REEP3: variants seen among roughly 807,000 people sequenced by gnomAD.
REEP3 encodes receptor accessory protein 3, also known as receptor expression-enhancing protein 3.
A neutral mutation model predicts 41.3 loss-of-function variants in REEP3; 20 were observed. The observed-to-expected ratio is 0.48, with a 90% confidence interval of 0.34 to 0.70. The LOEUF is 0.70. REEP3 is among the 30% of genes least tolerant of loss of function. The probability of loss-of-function intolerance (pLI) is 0.01; values close to 1 mark genes in which losing one functional copy is unlikely to be tolerated. For missense variants in REEP3, 271 were observed against 308.8 expected, an observed-to-expected ratio of 0.88 and a Z score of 0.92; for synonymous variants, 104 against 101.8, an observed-to-expected ratio of 1.02 and a Z score of -0.13.
At chr10:63,563,569 A>T (rs1204140696) in intron 1 of REEP3, among the ~76,000 whole-genome samples, 1 of 152,210 alleles carries the variant, frequency 6.6e-6, no homozygotes. Context: ...GCTGCTAAGA[A>T]TAAGCGACTA....
intron 6 of REEP3, among the ~76,000 whole-genome samples, chr10:63,614,856 C>T (rs1956300984): frequency 6.6e-6 from 1 of 152,070 alleles, no homozygotes; most frequent in African/African-American, 2.4e-5. Flanking sequence ...TAATTTATTC[C>T]CTTTAGCTCA....
At chr10:63,602,900 G>C (rs1010260429) in intron 5 of REEP3, among the ~76,000 whole-genome samples, 1 of 152,168 alleles carries the variant, frequency 6.6e-6, no homozygotes, top group African/African-American at 2.4e-5. Context: ...GAACAAGATA[G>C]ATATAGCCCT....
intron 2 of REEP3, among the ~76,000 whole-genome samples, chr10:63,584,212 G>T (rs1446296843): frequency 6.6e-6 from 1 of 152,116 alleles, no homozygotes; most frequent in African/African-American, 2.4e-5. Context: ...AGGATATTCT[G>T]TGAGGTATTT....
At chr10:63,576,482 A>G (rs778453188) in intron 2 of REEP3, among the ~76,000 whole-genome samples, 1 of 152,168 alleles carries the variant, frequency 6.6e-6, no homozygotes, top group Non-Finnish European at 1.5e-5. Flanking sequence ...CCATTGTCAC[A>G]TAGGACTCGC....
intron 5 of REEP3, among the ~76,000 whole-genome samples, chr10:63,604,591 T>C (rs1210140438): frequency 6.6e-6 from 1 of 152,176 alleles, no homozygotes; most frequent in Non-Finnish European, 1.5e-5. Flanking sequence ...AACATCTTAC[T>C]GTCTATGACT....
chr10:63,562,329 C>A (rs921794924), intron 1 of REEP3, among the ~76,000 whole-genome samples: 10 of 151,374 alleles, frequency 6.6e-5, no homozygotes, highest in Non-Finnish European at 1.0e-4. Flanking sequence ...ACGATCTCGG[C>A]TCATTGCAGC....
chr10:63,579,043 G>GC (rs962938382), intron 2 of REEP3, among the ~76,000 whole-genome samples: 27 of 144,416 alleles, frequency 1.9e-4, no homozygotes, highest in South Asian at 6.7e-4. Context: ...TTTTTTTTTG[G>GC]GGGGGGGGAG....
At chr10:63,533,853 G>C (rs1269872397) in intron 1 of REEP3, among the ~76,000 whole-genome samples, 1 of 151,456 alleles carries the variant, frequency 6.6e-6, no homozygotes, top group Non-Finnish European at 1.5e-5. Flanking sequence ...GGTTACAGGC[G>C]CCCACCACCA....
At chr10:63,580,122 C>T (rs1286561720) in intron 2 of REEP3, among the ~76,000 whole-genome samples, 2 of 151,438 alleles carry the variant, frequency 1.3e-5, no homozygotes, top group Non-Finnish European at 2.9e-5. Context: ...AGCTGGTTTT[C>T]GTTGTTGTTG....
intron 6 of REEP3, among the ~76,000 whole-genome samples, 194 bp downstream of exon 6, chr10:63,610,528 T>C (rs1224543670): frequency 3.9e-5 from 6 of 152,054 alleles, no homozygotes; most frequent in African/African-American, 1.2e-4. Flanking sequence ...TGTATACCTG[T>C]GTAACAAACC....
chr10:63,610,251 G>T lies in REEP3; in HGVS notation c.482G>T (p.Gly161Val). ...ATGCATGATTTAACAACTATCCAAG[G>T]TGATGAGCCTGTGGGACAAAGACCA... ...FSMHDLTTIQGDEPVGQRPYQ... is the reference protein window; with the variant it reads ...FSMHDLTTIQVDEPVGQRPYQ... The change falls in exon 6 of 8, where the codon GGT becomes GTT. Residue 161 changes from glycine (G) to valine (V), a missense_variant. Transcript: ENST00000373758. The T allele has an allele frequency of 6.2e-7, 1 of 1,601,004 alleles. No individual in the cohort carries two copies. Among genetic ancestry groups the T allele is most frequent in the Non-Finnish European group, 8.5e-7 (1 of 1,172,872 alleles).
At position 63,521,460 on chromosome 10, in the gene REEP3, C is replaced by A; in HGVS notation, c.-86C>A. The A allele has an allele frequency of 1.1e-6, 1 of 883,530 alleles. No individual in the cohort carries two copies. The highest frequency in any genetic ancestry group is 1.5e-6 in the Non-Finnish European group (1 of 674,604). 54.7% of individuals were successfully genotyped at this position (883,530 alleles called of 1,614,324 possible). A position where few individuals can be genotyped will look rare whatever the true frequency, so the allele number is the denominator to read the frequency against. On this transcript the variant is annotated 5_prime_UTR_variant, in exon 1 of 8. Coordinates refer to ENST00000373758, the MANE Select transcript of REEP3 (RefSeq NM_001001330.3). The stretch of plus-strand genomic sequence containing the variant: ...GGCCCCGGGGAGCGCGAGGAGCCGG[C>A]GAAGCGCGCGGCCTGCCGTTGGCGG...
intron 2 of REEP3, among the ~76,000 whole-genome samples, chr10:63,591,126 T>C (rs1286823763): frequency 2.2e-5 from 2 of 91,906 alleles, no homozygotes; most frequent in African/African-American, 7.6e-5. Context: ...TTTTTGTTTT[T>C]GTTTTTTTTT....
intron 1 of REEP3, among the ~76,000 whole-genome samples, chr10:63,559,689 T>A (rs1207595630): frequency 6.6e-6 from 1 of 152,198 alleles, no homozygotes; most frequent in Non-Finnish European, 1.5e-5. Context: ...ATCTGTAAAA[T>A]TGGTTTTAAA....
intron 1 of REEP3, among the ~76,000 whole-genome samples, chr10:63,550,723 C>A (rs2133360518): frequency 6.6e-6 from 1 of 152,236 alleles, no homozygotes; most frequent in East Asian, 1.9e-4. Flanking sequence ...CAATAAGCCA[C>A]AAACCTAGAG....
chr10:63,598,783 CAAAA>C (rs557044785), intron 4 of REEP3, among the ~76,000 whole-genome samples: 2 of 117,332 alleles, frequency 1.7e-5, no homozygotes, highest in Admixed American at 8.9e-5. Context: ...GACTCCATCT[CAAAA>C]AAAAAAAAAA....
chr10:63,534,413 G>C (rs991471332), intron 1 of REEP3, among the ~76,000 whole-genome samples: 1 of 151,932 alleles, frequency 6.6e-6, no homozygotes, highest in Admixed American at 6.6e-5. Context: ...ACCACATCCA[G>C]CTAATTTTTT....
chr10:63,533,376 T>C (rs542450440), intron 1 of REEP3, among the ~76,000 whole-genome samples: 3 of 152,354 alleles, frequency 2.0e-5, no homozygotes, highest in African/African-American at 7.2e-5. Context: ...ACCGTTATTG[T>C]CATGATCAGT....
chr10:63,609,740 A>G (rs1055567220), intron 5 of REEP3, among the ~76,000 whole-genome samples: 65 of 152,274 alleles, frequency 4.3e-4, no homozygotes, highest in African/African-American at 1.4e-3. Flanking sequence ...AGCCTGGGCA[A>G]CGGAGTGAGA....
Sources: gnomAD v4.1 joint callset for allele counts (sites outside exome capture counted in the v4.1 genomes callset) on GRCh38, gnomAD v4.1.1 for gene constraint, MANE v1.5 for transcripts, NCBI Gene and HGNC (gene_info 2026-07-23, HGNC 2026-07-21) for gene names.